RAD51B: variants seen among roughly 807,000 people sequenced by gnomAD.
The protein encoded by RAD51B is RAD51 paralog B.
A neutral mutation model predicts 42.2 loss-of-function variants in RAD51B; 38 were observed. The ratio of observed to expected loss-of-function variants is 0.90; its 90% CI spans 0.70 to 1.18. RAD51B has a LOEUF of 1.18. Ranked by LOEUF, RAD51B falls within the 50% of genes most tolerant of loss-of-function variation. RAD51B has a pLI of 0.00. For missense variants in RAD51B, 373 were observed against 400.7 expected (o/e 0.93, Z 0.59); for synonymous variants, 154 against 145.2 (o/e 1.06, Z -0.43).
Position 68,042,898 on chromosome 14 carries a change from A to AT in RAD51B, c.756+155696dup, listed in dbSNP as rs539558466. Among the ~76,000 whole-genome samples, 320 of 152,354 alleles carry AT rather than the reference A, an allele frequency of 2.1e-3. 2 individuals carry two copies. Among genetic ancestry groups the AT allele is most frequent in the Non-Finnish European group, 3.8e-3 (258 of 68,032 alleles). ...GATGGGATCACAAAGCCTTCCAGGG[A>AT]TTAACTGCCTCTCTGACTTGAACTG... On this transcript the variant is annotated intron_variant, in intron 7 of 10. Transcript: ENST00000471583.
At position 68,478,066 on chromosome 14, in the gene RAD51B, A is replaced by T; in HGVS notation, c.*402A>T. 1 of 1,066,744 alleles carries T rather than the reference A, an allele frequency of 9.4e-7. No homozygotes were observed. The highest frequency in any genetic ancestry group is 1.1e-6 in the Non-Finnish European group (1 of 880,906). The allele number at this position is 1,066,744 out of a possible 1,614,324, so 66.1% of individuals were successfully genotyped here. A position where few individuals can be genotyped will look rare whatever the true frequency, so the allele number is the denominator to read the frequency against. Reference sequence around the variant, plus strand: ...AAGATTTGTAATTACAGGAGGGAACATTTCCGAATAAAGTATTGTCTACCA... The same window carrying T: ...AAGATTTGTAATTACAGGAGGGAACTTTTCCGAATAAAGTATTGTCTACCA... On this transcript the variant is annotated 3_prime_UTR_variant, in exon 11 of 11. Coordinates refer to ENST00000471583, the MANE Select transcript of RAD51B (RefSeq NM_133510.4).
At chr14:68,537,585 A>G (rs1220582461) in intron 10 of RAD51B, among the ~76,000 whole-genome samples, 1 of 152,166 alleles carries the variant, frequency 6.6e-6, no homozygotes, top group East Asian at 1.9e-4. Context: ...TTTTAAGATC[A>G]GTGTGATAGG....
intron 8 of RAD51B, chr14:68,306,747 C>T: frequency 2.4e-6 from 1 of 414,192 alleles, no homozygotes; most frequent in Non-Finnish European, 4.9e-6. Flanking sequence ...AGAAGATGAA[C>T]TTGCATGGCC....
chr14:68,343,628 T>A (rs964248969), intron 8 of RAD51B, among the ~76,000 whole-genome samples: 2 of 152,262 alleles, frequency 1.3e-5, no homozygotes, highest in Admixed American at 1.3e-4. Context: ...ACCACTTGCT[T>A]AGAAAGATTA....
chr14:68,591,475 A>G (rs1274073575), intron 10 of RAD51B, among the ~76,000 whole-genome samples: 6 of 152,214 alleles, frequency 3.9e-5, no homozygotes, highest in Non-Finnish European at 8.8e-5. Context: ...TGTGGATGCT[A>G]TGGATGCTTC....
chr14:68,636,467 C>T (rs183638522), intron 10 of RAD51B, among the ~76,000 whole-genome samples: 9 of 151,798 alleles, frequency 5.9e-5, no homozygotes, highest in African/African-American at 1.7e-4. Context: ...CCTGTAGTCC[C>T]GGCTACTCGG....
intron 4 of RAD51B, among the ~76,000 whole-genome samples, chr14:67,849,226 C>G (rs1348699578): frequency 3.9e-5 from 6 of 152,196 alleles, no homozygotes; most frequent in Middle Eastern, 3.4e-3. Flanking sequence ...TTACGTAATC[C>G]CACACTTCTC....
Position 68,516,808 on chromosome 14 carries a change from T to C in RAD51B, c.1036+48558T>C, listed in dbSNP as rs117466156. 4.0e-3 allele frequency among the ~76,000 whole-genome samples: 614 copies of C among 152,342 alleles called. 6 individuals carry two copies. The highest frequency in any genetic ancestry group is 0.034 in the Middle Eastern group (10 of 294). On this transcript the variant is annotated intron_variant, in intron 10 of 10. Transcript: ENST00000487270. ...TGCAGATTTTTCAAATTTGATATAT[T>C]TCTTGATGAAAACTAAAAGTTCTTA...
At chr14:68,362,427 T>G (rs979227726) in intron 8 of RAD51B, among the ~76,000 whole-genome samples, 1 of 152,212 alleles carries the variant, frequency 6.6e-6, no homozygotes, top group Non-Finnish European at 1.5e-5. Flanking sequence ...GTTAGCCCCA[T>G]TTTACAGATA....
At chr14:68,047,999 G>T (rs2076330565) in intron 7 of RAD51B, among the ~76,000 whole-genome samples, 1 of 152,118 alleles carries the variant, frequency 6.6e-6, no homozygotes, top group Admixed American at 6.5e-5. Flanking sequence ...TCAGAAGAAA[G>T]GCTGCTTTGA....
intron 7 of RAD51B, among the ~76,000 whole-genome samples, chr14:68,226,050 T>C (rs1026495320): frequency 6.6e-5 from 10 of 152,230 alleles, no homozygotes; most frequent in Admixed American, 3.9e-4. Flanking sequence ...TTACTGTTTT[T>C]AGAAGCTTCT....
chr14:68,115,463 T>C (rs1299860078), intron 7 of RAD51B, among the ~76,000 whole-genome samples: 3 of 117,796 alleles, frequency 2.5e-5, no homozygotes, highest in Non-Finnish European at 5.1e-5. Flanking sequence ...AGTTAGTGGG[T>C]GCAGCGCACC....
intron 7 of RAD51B, among the ~76,000 whole-genome samples, chr14:68,087,962 A>T (rs868224878): frequency 0.16 from 17,966 of 112,732 alleles, 1,583 homozygotes; most frequent in Middle Eastern, 0.32. Flanking sequence ...TAATTATATA[A>T]TTTATTATTA....
In RAD51B at chr14:68,368,269, A is replaced by G. The variant is rs569646436; in HGVS notation, c.854-43155A>G. Among the ~76,000 whole-genome samples the G allele has an allele frequency of 1.1e-3, 160 of 152,320 alleles. 1 individual carries two copies. Among genetic ancestry groups the G allele is most frequent in the African/African-American group, 3.8e-3 (158 of 41,576 alleles). ...TACCTACATTTTCACAAATGAGCAC[A>G]CAGCCTCGAACAAGTTAATTCCTCA... On this transcript the variant is annotated intron_variant, in intron 8 of 10. Coordinates refer to ENST00000471583, the MANE Select transcript of RAD51B (RefSeq NM_133510.4).
chr14:68,540,778 A>C (rs147455151), intron 10 of RAD51B: 51 of 985,442 alleles, frequency 5.2e-5, no homozygotes, highest in Non-Finnish European at 5.9e-5. Flanking sequence ...GAGGACTCCA[A>C]GGTTGAGTAG....
chr14:68,126,540 G>A (rs183239130), intron 7 of RAD51B, among the ~76,000 whole-genome samples: 65 of 152,266 alleles, frequency 4.3e-4, no homozygotes, highest in Middle Eastern at 3.4e-3. Flanking sequence ...TGTATGACAC[G>A]TTGATCAGCA....
intron 9 of RAD51B, chr14:68,421,819 G>A: frequency 1.3e-6 from 2 of 1,594,074 alleles, no homozygotes; most frequent in Non-Finnish European, 1.7e-6. Context: ...AAGAGCACGT[G>A]CTTGCCATCC....
At chr14:68,300,873 G>T (rs539186820) in intron 8 of RAD51B, among the ~76,000 whole-genome samples, 4 of 152,318 alleles carry the variant, frequency 2.6e-5, no homozygotes, top group Admixed American at 2.6e-4. Context: ...CACTGCTTGA[G>T]CAAGGGAAGC....
intron 7 of RAD51B, among the ~76,000 whole-genome samples, chr14:67,998,533 T>G (rs2075425515): frequency 6.6e-6 from 1 of 152,220 alleles, no homozygotes; most frequent in African/African-American, 2.4e-5. Flanking sequence ...GAATGATGTA[T>G]TTTGTTTCCA....
Sources: gnomAD v4.1 joint callset for allele counts (sites outside exome capture counted in the v4.1 genomes callset) on GRCh38, gnomAD v4.1.1 for gene constraint, MANE v1.5 for transcripts, NCBI Gene and HGNC (gene_info 2026-07-23, HGNC 2026-07-21) for gene names.